HSF4: variants seen among roughly 807,000 people sequenced by gnomAD.
HSF4 encodes heat shock factor protein 4.
A neutral mutation model predicts 52.0 loss-of-function variants in HSF4; 41 were observed. The ratio of observed to expected loss-of-function variants is 0.79; its 90% CI spans 0.61 to 1.02. HSF4 has a LOEUF of 1.02. HSF4 is among the 50% of genes least tolerant of loss of function. The pLI is 0.00. For missense variants in HSF4, 610 were observed against 651.1 expected (o/e 0.94, Z 0.69); for synonymous variants, 285 against 273.0 (o/e 1.04, Z -0.43).
At chr16:67,168,779 G>A in intron 9 of HSF4, 52 bp from the exon 10 acceptor site, 1 of 1,383,264 alleles carries the variant, frequency 7.2e-7, no homozygotes, top group Non-Finnish European at 1.0e-6. Flanking sequence ...GGTTCCTTGG[G>A]AACTTAATGC....
At chr16:67,168,033 G>A in intron 9 of HSF4, 86 bp downstream of exon 9, 1 of 1,084,730 alleles carries the variant, frequency 9.2e-7, no homozygotes, top group Non-Finnish European at 1.4e-6. Context: ...TTGACTCCAT[G>A]ATACTCACCT....
At position 67,165,084 on chromosome 16, in the gene HSF4, A is replaced by T; in HGVS notation, c.123+150A>T. On this transcript the variant is annotated intron_variant, in intron 1 of 12. Coordinates refer to ENST00000521374, the MANE Select transcript of HSF4 (RefSeq NM_001374675.1). This position sits in a 1 kb window ranked among gnomAD's most constrained non-coding sequence, Gnocchi z 6.9. ...AAGTTCACCTTGGAGGGGGTGTGCG[A>T]GAGGGGGGTTTCCTCTGCGGCCGAA... is the stretch of plus-strand genomic sequence containing the variant. 1 of 863,548 alleles carries T rather than the reference A, an allele frequency of 1.2e-6. No homozygotes were observed. Among genetic ancestry groups the T allele is most frequent in the Non-Finnish European group, 1.7e-6 (1 of 578,244 alleles). The allele number at this position is 863,548 out of a possible 1,614,324, so 53.5% of individuals were successfully genotyped here. A position where few individuals can be genotyped will look rare whatever the true frequency, so the allele number is the denominator to read the frequency against.
chr16:67,168,550 AAAG>A (rs1490266996), intron 9 of HSF4, among the ~76,000 whole-genome samples: 2 of 151,176 alleles, frequency 1.3e-5, no homozygotes, highest in Non-Finnish European at 2.9e-5. Context: ...AGAAATAAAG[AAAG>A]AAGAGAAAGA....
rs1236232402 is a variant in HSF4 at position 67,165,040 on chromosome 16, C to T, written c.123+106C>T. On this transcript the variant is annotated intron_variant, in intron 1 of 12. Coordinates refer to ENST00000521374, the MANE Select transcript of HSF4 (RefSeq NM_001374675.1). The surrounding 1 kb of genome is among the most constrained non-coding windows in gnomAD (Gnocchi z 6.9). ...CTCCTGAGACTGGGCCGTGGATCCC[C>T]GGATTTGGCCATTCAGAGAAGTTCA... The T allele has an allele frequency of 4.0e-6, 5 of 1,264,294 alleles. No individual in the cohort carries two copies. The highest frequency in any genetic ancestry group is 1.5e-5 in the African/African-American group (1 of 66,382). 78.3% of individuals were successfully genotyped at this position (1,264,294 alleles called of 1,614,324 possible).
Position 67,169,594 on chromosome 16 carries a change from A to T in HSF4, c.1325-37A>T. On this transcript the variant is annotated intron_variant, in intron 12 of 12. Coordinates refer to ENST00000521374, the MANE Select transcript of HSF4 (RefSeq NM_001374675.1). The surrounding 1 kb of genome is among the most constrained non-coding windows in gnomAD (Gnocchi z 4.3). ...TCCTTCCCTGAAGAAAGGAGGGGGA[A>T]CATTTCCCCTGGTGAGCGCAGTCCC... 1 of 1,601,746 alleles carries T rather than the reference A, an allele frequency of 6.2e-7. No homozygotes were observed. Among genetic ancestry groups the T allele is most frequent in the South Asian group, 1.1e-5 (1 of 91,074 alleles).
In HSF4 at chr16:67,166,541, C is replaced by A. The variant is rs772110943; in HGVS notation, c.562-17C>A. On this transcript the variant is annotated splice_polypyrimidine_tract_variant and intron_variant, in intron 5 of 12. Transcript: ENST00000521374. ...GCTGTGTCCAAAGTATGAATTAAACCTTTGCTTTCTCTTCAGCTGATCCAG... is the reference window on the plus strand; with the variant it reads ...GCTGTGTCCAAAGTATGAATTAAACATTTGCTTTCTCTTCAGCTGATCCAG... 6.2e-7 allele frequency: 1 copy of A among 1,613,796 alleles called. No homozygotes were observed. Among genetic ancestry groups the A allele is most frequent in the Non-Finnish European group, 8.5e-7 (1 of 1,179,860 alleles).
At position 67,164,768 on chromosome 16, in the gene HSF4, C is replaced by T. The variant is rs569626662; in HGVS notation, c.-44C>T. ...GCACTTTCCGCGGCTTTGACGAGCCCGCAGCGGCCGGGCCCGAGCGCAGAG... is the reference window on the plus strand; with the variant it reads ...GCACTTTCCGCGGCTTTGACGAGCCTGCAGCGGCCGGGCCCGAGCGCAGAG... On this transcript the variant is annotated 5_prime_UTR_variant, in exon 1 of 13. Coordinates refer to ENST00000521374, the MANE Select transcript of HSF4 (RefSeq NM_001374675.1). 1.9e-6 allele frequency: 3 copies of T among 1,560,228 alleles called. No homozygotes were observed. The highest frequency in any genetic ancestry group is 2.6e-6 in the Non-Finnish European group (3 of 1,162,844).
At chr16:67,164,001 T>G (rs1228662015), upstream of HSF4, 1 of 865,232 alleles carries the variant, frequency 1.2e-6, no homozygotes, top group Non-Finnish European at 1.9e-6. Flanking sequence ...GACCACTCGC[T>G]GCTCTCACCC....
At position 67,168,911 on chromosome 16, in the gene HSF4, G is replaced by A. The variant is rs753679432; in HGVS notation, c.1163G>A (p.Ser388Asn). 21 of 1,613,984 alleles carry A rather than the reference G, an allele frequency of 1.3e-5. No individual in the cohort carries two copies. Among genetic ancestry groups the A allele is most frequent in the East Asian group, 2.2e-5 (1 of 44,902 alleles). ...PPMLLQPPQESVEPAGPLDVL... is the reference protein window; with the variant it reads ...PPMLLQPPQENVEPAGPLDVL... Reference sequence around the variant, plus strand: ...ATGCTGCTTCAGCCCCCTCAAGAAAGTGTGGAACCTGCAGGGCCTCTAGAT... The same window carrying A: ...ATGCTGCTTCAGCCCCCTCAAGAAAATGTGGAACCTGCAGGGCCTCTAGAT... The change falls in exon 10 of 13, where the codon AGT becomes AAT. Residue 388 changes from serine (S) to asparagine (N), a missense_variant. Physicochemically the swap from Ser to Asn is conservative, Grantham distance 46. Transcript: ENST00000521374.
At position 67,165,611 on chromosome 16, in the gene HSF4, C is replaced by T. The variant is rs1164731342; in HGVS notation, c.213C>T (p.Phe71=). 7 of 1,612,994 alleles carry T rather than the reference C, an allele frequency of 4.3e-6. No homozygotes were observed. Among genetic ancestry groups the T allele is most frequent in the Non-Finnish European group, 5.9e-6 (7 of 1,179,904 alleles). ...TCAAGCATAGCAACATGGCGAGCTTCGTGCGCCAACTCAACATGTGTGAGT... is the reference window on the plus strand; with the variant it reads ...TCAAGCATAGCAACATGGCGAGCTTTGTGCGCCAACTCAACATGTGTGAGT... ...QYFKHSNMAS[F]VRQLNMYGFR... The change falls in exon 2 of 13, where the codon TTC becomes TTT. Residue 71 remains phenylalanine, a synonymous_variant. Transcript: ENST00000521374. The surrounding 1 kb of genome is among the most constrained non-coding windows in gnomAD (Gnocchi z 6.9).
intron 9 of HSF4, 129 bp from the exon 10 acceptor site, chr16:67,168,702 G>A (rs1344405394): frequency 2.7e-6 from 2 of 738,242 alleles, no homozygotes; most frequent in Non-Finnish European, 4.7e-6. Flanking sequence ...GTTGGGGGTG[G>A]AGAGAGGATG....
chr16:67,166,970 C>T, intron 6 of HSF4, 150 bp from the exon 7 acceptor site: 2 of 1,087,750 alleles, frequency 1.8e-6, no homozygotes, highest in South Asian at 1.3e-5. Context: ...GGAGCCCCTT[C>T]CACCTCCAGC....
upstream of HSF4, chr16:67,163,990 A>G (rs1316078196): frequency 7.2e-6 from 7 of 975,124 alleles, no homozygotes; most frequent in Non-Finnish European, 6.3e-6. Flanking sequence ...GGGCGCCCTG[A>G]GACCACTCGC....
upstream of HSF4, chr16:67,164,109 GA>G (rs2031064860): frequency 1.5e-6 from 1 of 677,856 alleles, no homozygotes; most frequent in Admixed American, 2.1e-5. Context: ...CCGGCGCAGG[GA>G]GAGGGAGGGC....
chr16:67,164,117 G>A, upstream of HSF4: 1 of 670,818 alleles, frequency 1.5e-6, no homozygotes, highest in Non-Finnish European at 2.7e-6. Flanking sequence ...GGGAGAGGGA[G>A]GGCACGGGCG....
At chr16:67,167,665 G>A in intron 8 of HSF4, 55 bp from the exon 9 acceptor site, 1 of 1,612,136 alleles carries the variant, frequency 6.2e-7, no homozygotes, top group African/African-American at 1.3e-5. Context: ...GATGGCTGTA[G>A]GGGTAGAGGG....
chr16:67,168,868 G>A lies in HSF4; in HGVS notation c.1120G>A (p.Glu374Lys). 1 of 1,614,008 alleles carries A rather than the reference G, an allele frequency of 6.2e-7. No homozygotes were observed. The highest frequency in any genetic ancestry group is 8.5e-7 in the Non-Finnish European group (1 of 1,180,042). ...CCTGGAAAGCGGGGACAGGAGCCCA[G>A]AGAGTCTGCTGCCTCCGATGCTGCT... is the stretch of plus-strand genomic sequence containing the variant. The part of the protein sequence containing the change: ...LGLESGDRSP[E>K]SLLPPMLLQP... The change falls in exon 10 of 13, where the codon GAG becomes AAG. Residue 374 changes from glutamate (E) to lysine (K), a missense_variant. Physicochemically the swap from Glu to Lys is moderately conservative, Grantham distance 56. Transcript: ENST00000521374.
intron 6 of HSF4, among the ~76,000 whole-genome samples, chr16:67,166,847 A>G (rs1597240890): frequency 6.6e-6 from 1 of 150,584 alleles, no homozygotes; most frequent in African/African-American, 2.4e-5. Context: ...CCAAATTCCT[A>G]CCCCAGCAGC....
chr16:67,168,271 ACAC>A (rs779669336), intron 9 of HSF4, among the ~76,000 whole-genome samples: 2 of 152,152 alleles, frequency 1.3e-5, no homozygotes, highest in Non-Finnish European at 2.9e-5. Context: ...CAGGAGTTCA[ACAC>A]CAGCCTGGCC....
Sources: allele counts gnomAD v4.1 joint callset (sites outside exome capture counted in the v4.1 genomes callset), GRCh38; gene constraint gnomAD v4.1.1; non-coding constraint Gnocchi (gnomAD v3.1); transcripts MANE v1.5; gene names NCBI Gene and HGNC (gene_info 2026-07-23, HGNC 2026-07-21).